The following SOX5 variants were observed in gnomAD, a reference collection of about 807,000 sequenced individuals.
SOX5 encodes SRY-box transcription factor 5.
Under a neutral mutation model 92.0 loss-of-function variants are expected in SOX5, and 9 were observed. That is an observed-to-expected ratio of 0.10 (90% CI 0.06 to 0.17). The LOEUF is 0.17. SOX5 is among the 10% of genes least tolerant of loss of function. The pLI is 1.00. For synonymous variants in SOX5, 344 were observed against 336.3 expected, an observed-to-expected ratio of 1.02 and a Z score of -0.25; for missense variants, 642 against 944.5, an observed-to-expected ratio of 0.68 and a Z score of 4.20.
chr12:23,656,680 A>C (rs184863843), intron 7 of SOX5, among the ~76,000 whole-genome samples: 1 of 152,170 alleles, frequency 6.6e-6, no homozygotes, highest in African/African-American at 2.4e-5. Context: ...ACATATCGTA[A>C]ATATACATAG....
intron 9 of SOX5, among the ~76,000 whole-genome samples, chr12:23,598,387 C>CTTTTTTTTTTTTTTTTTTTTTTT (rs201719026): frequency 2.1e-5 from 2 of 95,128 alleles, no homozygotes; most frequent in African/African-American, 8.8e-5. Flanking sequence ...TGTGCTTTAT[C>CTTTTTTTTTTTTTTTTTTTTTTT]TTTTTTTTTT....
intron 1 of SOX5, among the ~76,000 whole-genome samples, chr12:24,512,516 A>G (rs2138335562): frequency 6.6e-6 from 1 of 152,350 alleles, no homozygotes; most frequent in Non-Finnish European, 1.5e-5. Context: ...CAATGTAGAT[A>G]TATGCTCCTT....
At chr12:23,534,578 G>GGACTT in intron 14 of SOX5, 56 bp from the exon 15 acceptor site, 1 of 1,351,996 alleles carries the variant, frequency 7.4e-7, no homozygotes, top group Admixed American at 2.0e-5. Context: ...AGTTAGATGT[G>GGACTT]GACTTTACTA....
At chr12:24,241,818 A>AT (rs1489259043) in intron 3 of SOX5, among the ~76,000 whole-genome samples, 1 of 152,198 alleles carries the variant, frequency 6.6e-6, no homozygotes, top group African/African-American at 2.4e-5. Context: ...CTAAAATACA[A>AT]TAAGTATTGG....
At chr12:23,842,048 T>C (rs1181150772) in intron 3 of SOX5, among the ~76,000 whole-genome samples, 1 of 152,070 alleles carries the variant, frequency 6.6e-6, no homozygotes, top group African/African-American at 2.4e-5. Context: ...GTGTTAAAAA[T>C]ACATGAAACA....
intron 1 of SOX5, among the ~76,000 whole-genome samples, chr12:24,431,761 G>C (rs552167674): frequency 9.2e-5 from 14 of 152,286 alleles, no homozygotes; most frequent in African/African-American, 3.4e-4. Flanking sequence ...ATCTTTAACA[G>C]AGAAGTAAAA....
rs115916191 is a variant in SOX5, at chr12:23,810,324, T to C, written c.481+35659A>G. ...AGACTGTATTTTGAAATTATTATTA[T>C]GATCATTTCATGTGTACAGCATCAC... On this transcript the variant is annotated intron_variant, in intron 3 of 14. Transcript: ENST00000451604. 9.8e-3 allele frequency among the ~76,000 whole-genome samples: 1,495 copies of C among 152,296 alleles called. 27 individuals carry two copies. The highest frequency in any genetic ancestry group is 0.034 in the African/African-American group (1,420 of 41,574).
chr12:24,394,021 C>T (rs932084441), intron 1 of SOX5, among the ~76,000 whole-genome samples: 1 of 152,122 alleles, frequency 6.6e-6, no homozygotes, highest in Non-Finnish European at 1.5e-5. Flanking sequence ...CCTGACCACA[C>T]TATTAATTAA....
At chr12:23,561,040 A>G (rs548039963) in intron 11 of SOX5, among the ~76,000 whole-genome samples, 2 of 152,336 alleles carry the variant, frequency 1.3e-5, no homozygotes, top group South Asian at 4.1e-4. Context: ...TTATAAGACC[A>G]TAGTTCAAGA....
intron 4 of SOX5, among the ~76,000 whole-genome samples, chr12:24,079,512 T>C (rs569058848): frequency 6.6e-6 from 1 of 152,174 alleles, no homozygotes; most frequent in East Asian, 1.9e-4. Flanking sequence ...GTTTTATTTA[T>C]TTTTATTAAA....
At chr12:24,445,001 TA>T (rs1473873753) in intron 1 of SOX5, among the ~76,000 whole-genome samples, 1 of 152,122 alleles carries the variant, frequency 6.6e-6, no homozygotes, top group African/African-American at 2.4e-5. Flanking sequence ...CAATAAATAC[TA>T]GATGATTTTT....
chr12:23,810,941 A>G (rs1211420634), intron 3 of SOX5, among the ~76,000 whole-genome samples: 1 of 152,144 alleles, frequency 6.6e-6, no homozygotes, highest in African/African-American at 2.4e-5. Flanking sequence ...TTTAGTTCCA[A>G]AATATGTCAT....
intron 2 of SOX5, among the ~76,000 whole-genome samples, chr12:24,304,999 G>T (rs1047049327): frequency 1.1e-4 from 17 of 152,124 alleles, no homozygotes; most frequent in African/African-American, 3.9e-4. Context: ...CTCAATCAAT[G>T]CCTTGGTCCT....
intron 6 of SOX5, among the ~76,000 whole-genome samples, chr12:23,723,786 CATT>C (rs1179417649): frequency 6.6e-6 from 1 of 151,730 alleles, no homozygotes; most frequent in Non-Finnish European, 1.5e-5. Flanking sequence ...ATGTATATGA[CATT>C]AAAACCTTCT....
At chr12:23,617,780 G>T (rs1285581561) in intron 8 of SOX5, among the ~76,000 whole-genome samples, 1 of 147,564 alleles carries the variant, frequency 6.8e-6, no homozygotes, top group East Asian at 2.0e-4. Flanking sequence ...ATCTTAAACA[G>T]CTAGAAAAAA....
At chr12:23,903,465 T>C (rs564655922) in intron 1 of SOX5, among the ~76,000 whole-genome samples, 1 of 152,274 alleles carries the variant, frequency 6.6e-6, no homozygotes, top group East Asian at 1.9e-4. Context: ...CCGCCTGTAG[T>C]GCGAGCAACT....
intron 2 of SOX5, among the ~76,000 whole-genome samples, chr12:24,335,716 G>T (rs76981980): frequency 5.1e-4 from 78 of 151,968 alleles, no homozygotes; most frequent in African/African-American, 1.8e-3. Context: ...CTGGCATTTT[G>T]AAAACCAGGC....
At chr12:24,513,384 C>T (rs1949500830) in intron 1 of SOX5, among the ~76,000 whole-genome samples, 1 of 152,120 alleles carries the variant, frequency 6.6e-6, no homozygotes, top group South Asian at 2.1e-4. Flanking sequence ...CAAATGAAAC[C>T]TTCATATTTA....
intron 1 of SOX5, among the ~76,000 whole-genome samples, chr12:24,459,016 C>A (rs576715775): frequency 1.3e-5 from 2 of 152,232 alleles, no homozygotes; most frequent in South Asian, 4.2e-4. Context: ...GGTATCAATT[C>A]TCAAAGGACA....
Sources: allele counts gnomAD v4.1 joint callset (sites outside exome capture counted in the v4.1 genomes callset), GRCh38; gene constraint gnomAD v4.1.1; transcripts MANE v1.5; gene names NCBI Gene and HGNC (gene_info 2026-07-23, HGNC 2026-07-21).